DRD2: variants seen among roughly 807,000 people sequenced by gnomAD.
DRD2 encodes dopamine receptor D2.
DRD2 carries 8 observed loss-of-function variants against 38.0 expected under a neutral mutation model. The ratio of observed to expected loss-of-function variants is 0.21; its 90% CI spans 0.12 to 0.38. The LOEUF is 0.38. Ranked by LOEUF, DRD2 falls within the 10% of genes least tolerant of loss-of-function variation. The probability of loss-of-function intolerance (pLI) is 1.00; values close to 1 mark genes in which losing one functional copy is unlikely to be tolerated. For missense variants in DRD2, 403 were observed against 607.7 expected (o/e 0.66, Z 3.54); for synonymous variants, 230 against 238.6 (o/e 0.96, Z 0.33).
Position 113,412,781 on chromosome 11 carries a change from G to T in DRD2, c.913C>A (p.Leu305Met). 1.2e-6 allele frequency: 2 copies of T among 1,613,776 alleles called. No individual in the cohort carries two copies. The highest frequency in any genetic ancestry group is 1.7e-6 in the Non-Finnish European group (2 of 1,179,708). Residue 305 changes from leucine to methionine, a missense_variant, in exon 7 of 8, where the codon CTG (leucine) becomes ATG (methionine). Around this residue, in one of 4 missense-constraint regions of DRD2, gnomAD observed 166 missense variants for 178.6 expected, o/e 0.93. Coordinates refer to ENST00000362072, the MANE Select transcript of DRD2 (RefSeq NM_000795.4). ...YSPIPPSHHQ[L>M]TLPDPSHHGL... Reference sequence around the variant, plus strand: ...TGGTGGGACGGGTCGGGGAGAGTCAGCTGGTGGTGGCTGGGTGGGATGGGG... The same window carrying T: ...TGGTGGGACGGGTCGGGGAGAGTCATCTGGTGGTGGCTGGGTGGGATGGGG...
chr11:113,426,240 G>A (rs1386164920), intron 1 of DRD2, among the ~76,000 whole-genome samples: 3 of 152,012 alleles, frequency 2.0e-5, no homozygotes, highest in African/African-American at 7.2e-5. Context: ...GTAATGCTAG[G>A]ATTTCTGCGT....
At chr11:113,447,813 CAT>C (rs1232760795) in intron 1 of DRD2, 4 of 152,214 alleles carry the variant, frequency 2.6e-5, no homozygotes, top group Admixed American at 6.5e-5. Flanking sequence ...TTGTAACAAA[CAT>C]GTGTGGCCAC....
chr11:113,421,907 T>C (rs1033058564), intron 2 of DRD2, among the ~76,000 whole-genome samples: 1 of 152,170 alleles, frequency 6.6e-6, no homozygotes, highest in Admixed American at 6.5e-5. Context: ...CCTCTGAGAA[T>C]GGCTTCTGCA....
At position 113,475,330 on chromosome 11, in the gene DRD2, G is replaced by T. The variant is rs865881986; in HGVS notation, c.-286C>A. ...GGGCGGGGCCGGGCGCGGGGCGGGC[G>T]GGCAGGAGGGAGCGCGGGGACGGGG... is the stretch of plus-strand genomic sequence containing the variant. On this transcript the variant is annotated 5_prime_UTR_variant, in exon 1 of 8. Transcript: ENST00000362072. The T allele has an allele frequency of 8.1e-5, 12 of 148,584 alleles. No individual in the cohort carries two copies. The South Asian group carries it at 2.0e-3, about 24-fold the overall frequency. The allele number at this position is 148,584 out of a possible 1,614,324, so 9.2% of individuals were successfully genotyped here.
At chr11:113,424,707 G>A in intron 1 of DRD2, 25 bp from the exon 2 acceptor site, 2 of 1,611,186 alleles carry the variant, frequency 1.2e-6, no homozygotes, top group Non-Finnish European at 1.7e-6. Flanking sequence ...TGGACACAAG[G>A]TGTCAGTGAG....
chr11:113,425,210 G>A (rs946914687), intron 1 of DRD2, among the ~76,000 whole-genome samples: 2 of 152,212 alleles, frequency 1.3e-5, no homozygotes, highest in Non-Finnish European at 2.9e-5. Flanking sequence ...GTAGGAAATG[G>A]AACAGGGAGA....
chr11:113,458,156 T>A lies in DRD2; in HGVS notation c.-32+16920A>T, dbSNP rs144211791. Reference sequence around the variant, plus strand: ...TGAGGCAACAGCTCTGCTGGTTAAATGGTGCCTAACCTGGGTATTTAGCAA... The same window carrying A: ...TGAGGCAACAGCTCTGCTGGTTAAAAGGTGCCTAACCTGGGTATTTAGCAA... On this transcript the variant is annotated intron_variant, in intron 1 of 7. Coordinates refer to ENST00000362072, the MANE Select transcript of DRD2 (RefSeq NM_000795.4). 3.4e-4 allele frequency among the ~76,000 whole-genome samples: 52 copies of A among 152,392 alleles called. 1 individual carries two copies. Among genetic ancestry groups the A allele is most frequent in the African/African-American group, 1.2e-3 (51 of 41,606 alleles).
intron 1 of DRD2, among the ~76,000 whole-genome samples, chr11:113,452,510 A>T (rs1209949818): frequency 6.7e-6 from 1 of 150,234 alleles, no homozygotes; most frequent in African/African-American, 2.5e-5. Flanking sequence ...AGGAAATGAG[A>T]CACTGCTGAT....
chr11:113,416,721 C>T (rs1490286018), intron 4 of DRD2, 142 bp downstream of exon 4: 1 of 1,289,262 alleles, frequency 7.8e-7, no homozygotes, highest in South Asian at 1.3e-5. Context: ...GGACACGTAG[C>T]CTGGACTCAG....
At position 113,415,426 on chromosome 11, in the gene DRD2, G is replaced by A; in HGVS notation, c.718C>T (p.Leu240=). The A allele has an allele frequency of 6.2e-7, 1 of 1,612,394 alleles. No individual in the cohort carries two copies. Among genetic ancestry groups the A allele is most frequent in the South Asian group, 1.1e-5 (1 of 90,920 alleles). ...RAFRAHLRAP[L]KGNCTHPEDM... ...GTTGGGGGGTGTCTTGAGACCTTTAGTGGAGCCCTCAGGTGGGCCCTGAAA... is the reference window on the plus strand; with the variant it reads ...GTTGGGGGGTGTCTTGAGACCTTTAATGGAGCCCTCAGGTGGGCCCTGAAA... Residue 240 remains leucine (L), a synonymous_variant, in exon 5 of 8, where the codon CTA becomes TTA. Transcript: ENST00000362072.
chr11:113,436,241 G>A (rs556184630), intron 1 of DRD2, among the ~76,000 whole-genome samples: 1 of 152,182 alleles, frequency 6.6e-6, no homozygotes, highest in African/African-American at 2.4e-5. Context: ...TTCACCACAG[G>A]AATGCAATCA....
chr11:113,414,186 C>A, intron 6 of DRD2, 189 bp downstream of exon 6: 1 of 700,744 alleles, frequency 1.4e-6, no homozygotes. Context: ...CCATGCCTTG[C>A]AGAACCGAGG....
rs545267305 is a variant in DRD2 at position 113,470,527 on chromosome 11, G to A, written c.-32+4549C>T. 7.9e-5 allele frequency among the ~76,000 whole-genome samples: 12 copies of A among 152,290 alleles called. No homozygotes were observed. The South Asian group carries it at 2.5e-3, about 32-fold the overall frequency. On this transcript the variant is annotated intron_variant, in intron 1 of 7. Transcript: ENST00000362072. ...CCAGAGGGCTGCAGGGGAAACCAGA[G>A]GTTTTCCCTCCTTCCCCTCCCTGTC... is the stretch of plus-strand genomic sequence containing the variant.
intron 1 of DRD2, among the ~76,000 whole-genome samples, chr11:113,461,226 C>T (rs988356974): frequency 2.6e-5 from 4 of 152,244 alleles, no homozygotes; most frequent in African/African-American, 9.6e-5. Context: ...GCACCATCAG[C>T]ATCCCCTATG....
At chr11:113,418,449 A>G (rs1332428004) in intron 2 of DRD2, among the ~76,000 whole-genome samples, 1 of 152,160 alleles carries the variant, frequency 6.6e-6, no homozygotes, top group Non-Finnish European at 1.5e-5. Context: ...GTGTTTTCTT[A>G]GATTCTGTAT....
chr11:113,420,432 T>C (rs1022988746), intron 2 of DRD2, among the ~76,000 whole-genome samples: 3 of 152,206 alleles, frequency 2.0e-5, no homozygotes, highest in Non-Finnish European at 4.4e-5. Flanking sequence ...TAGTTAGGGC[T>C]GCTAACTTAA....
chr11:113,426,180 G>C (rs1433697880), intron 1 of DRD2, among the ~76,000 whole-genome samples: 1 of 152,098 alleles, frequency 6.6e-6, no homozygotes, highest in Non-Finnish European at 1.5e-5. Flanking sequence ...CCTTGGATAG[G>C]TGTGGGGCAA....
At chr11:113,430,351 G>C (rs1950974937) in intron 1 of DRD2, among the ~76,000 whole-genome samples, 1 of 152,164 alleles carries the variant, frequency 6.6e-6, no homozygotes. Context: ...GAATGAAGAT[G>C]CACCACTATT....
chr11:113,463,134 A>G (rs936278562), intron 1 of DRD2, among the ~76,000 whole-genome samples: 1 of 152,168 alleles, frequency 6.6e-6, no homozygotes, highest in Non-Finnish European at 1.5e-5. Flanking sequence ...CTCAAAATAC[A>G]TAAGTATTTT....
Sources: allele counts gnomAD v4.1 joint callset (sites outside exome capture counted in the v4.1 genomes callset), GRCh38; gene constraint gnomAD v4.1.1; regional missense constraint gnomAD v4.1.1; transcripts MANE v1.5; gene names NCBI Gene and HGNC (gene_info 2026-07-23, HGNC 2026-07-21).